The following ATP8A2 variants were observed in gnomAD, a reference collection of about 807,000 sequenced individuals.
ATP8A2 encodes ATPase phospholipid transporting 8A2, also known as phospholipid-transporting ATPase IB.
A neutral mutation model predicts 165.6 loss-of-function variants in ATP8A2; 100 were observed. The observed-to-expected ratio is 0.60, with a 90% CI of 0.51 to 0.71. The LOEUF is 0.71. Ranked by LOEUF, ATP8A2 falls within the 30% of genes least tolerant of loss-of-function variation. The pLI is 0.00. For missense variants in ATP8A2, 1,227 were observed against 1,479.5 expected (o/e 0.83, Z 2.80); for synonymous variants, 543 against 548.8 (o/e 0.99, Z 0.15).
chr13:25,897,993 G>A (rs1040906086), intron 33 of ATP8A2, among the ~76,000 whole-genome samples: 1 of 151,982 alleles, frequency 6.6e-6, no homozygotes, highest in African/African-American at 2.4e-5. Flanking sequence ...TCCTCCTTTA[G>A]CTCGGAGAAG....
intron 1 of ATP8A2, among the ~76,000 whole-genome samples, chr13:25,433,112 G>C (rs1264932610): frequency 3.9e-5 from 6 of 152,120 alleles, no homozygotes; most frequent in Admixed American, 3.9e-4. Context: ...CCTAAGCCTT[G>C]GCACTCTGTC....
intron 33 of ATP8A2, among the ~76,000 whole-genome samples, chr13:25,924,046 T>C: frequency 6.6e-6 from 1 of 152,216 alleles, no homozygotes. Context: ...AAGCTACCCT[T>C]CAGCCTGCTT....
intron 25 of ATP8A2, among the ~76,000 whole-genome samples, chr13:25,763,441 A>T (rs1046779159): frequency 1.3e-5 from 2 of 152,136 alleles, no homozygotes; most frequent in African/African-American, 4.8e-5. Context: ...GGGAGCTTTT[A>T]TAGTGAGGGA....
At chr13:25,597,430 A>T (rs948918128) in intron 24 of ATP8A2, among the ~76,000 whole-genome samples, 1 of 152,342 alleles carries the variant, frequency 6.6e-6, no homozygotes, top group South Asian at 2.1e-4. Flanking sequence ...GGAGTGAGAG[A>T]CTTTTCTCCA....
intron 25 of ATP8A2, among the ~76,000 whole-genome samples, chr13:25,738,159 G>T (rs2043820514): frequency 6.6e-6 from 1 of 152,204 alleles, no homozygotes; most frequent in Admixed American, 6.5e-5. Flanking sequence ...CTTTTAGAGT[G>T]CAAGATGCTG....
intron 24 of ATP8A2, among the ~76,000 whole-genome samples, chr13:25,690,752 T>C (rs1244150469): frequency 6.6e-6 from 1 of 152,162 alleles, no homozygotes; most frequent in Non-Finnish European, 1.5e-5. Context: ...TCAGGCACTT[T>C]GGAAAACAGT....
At chr13:25,828,658 G>A (rs992235401) in intron 28 of ATP8A2, among the ~76,000 whole-genome samples, 4 of 152,204 alleles carry the variant, frequency 2.6e-5, no homozygotes, top group African/African-American at 9.7e-5. Flanking sequence ...TTCTTCTGCA[G>A]TTAGAGCTAA....
intron 24 of ATP8A2, among the ~76,000 whole-genome samples, chr13:25,639,170 G>A (rs888996519): frequency 4.6e-5 from 7 of 152,152 alleles, no homozygotes; most frequent in Non-Finnish European, 8.8e-5. Context: ...AAAGACCATC[G>A]ATGCTAGGAA....
Position 25,581,802 on chromosome 13 carries a change from A to G in ATP8A2, c.2008-17A>G. 6.2e-7 allele frequency: 1 copy of G among 1,612,138 alleles called. No homozygotes were observed. Among genetic ancestry groups the G allele is most frequent in the Admixed American group, 1.7e-5 (1 of 59,914 alleles). On this transcript the variant is annotated splice_polypyrimidine_tract_variant and intron_variant, in intron 22 of 36. Coordinates refer to ENST00000381655, the MANE Select transcript of ATP8A2 (RefSeq NM_016529.6). ...AGTATGTGCCAATCTTTAACTGAGG[A>G]TATTTTTTCAATGTAGAATTTGCTG...
intron 2 of ATP8A2, among the ~76,000 whole-genome samples, chr13:25,497,187 TTAG>T (rs1403029857): frequency 2.6e-5 from 4 of 152,150 alleles, no homozygotes; most frequent in African/African-American, 9.7e-5. Flanking sequence ...AGGTGGGCCA[TTAG>T]TAGTATCAAA....
In ATP8A2 at chr13:25,839,556, G is replaced by T. The variant is rs1951706888; in HGVS notation, c.2888G>T (p.Gly963Val). The T allele has an allele frequency of 1.2e-6, 2 of 1,614,000 alleles. No homozygotes were observed. Among genetic ancestry groups the T allele is most frequent in the Non-Finnish European group, 1.7e-6 (2 of 1,179,902 alleles). ...TTTGTTTTTCCTTAGGTTTTCTGGGGTCACTGCATCAACGCCTTGGTCCAC... is the reference window on the plus strand; with the variant it reads ...TTTGTTTTTCCTTAGGTTTTCTGGGTTCACTGCATCAACGCCTTGGTCCAC... ...GEGFNTKVFW[G>V]HCINALVHSL... The change falls in exon 30 of 37, where the codon GGT becomes GTT. Residue 963 changes from glycine to valine, a missense_variant. Transcript: ENST00000381655.
chr13:25,922,476 C>T (rs1954487254), intron 33 of ATP8A2, among the ~76,000 whole-genome samples: 1 of 152,184 alleles, frequency 6.6e-6, no homozygotes, highest in African/African-American at 2.4e-5. Context: ...AACTATCACA[C>T]TATGGAATTG....
intron 25 of ATP8A2, 119 bp downstream of exon 25, chr13:25,699,464 A>G: frequency 3.9e-6 from 3 of 769,380 alleles, no homozygotes; most frequent in Non-Finnish European, 5.7e-6. Context: ...AAAAAGGCAA[A>G]ACAAAAATAC....
chr13:25,482,544 G>C (rs2036235673), intron 2 of ATP8A2, among the ~76,000 whole-genome samples: 2 of 152,148 alleles, frequency 1.3e-5, no homozygotes, highest in Non-Finnish European at 2.9e-5. Flanking sequence ...GCAGAAGAGT[G>C]TAACGGCCAG....
intron 33 of ATP8A2, among the ~76,000 whole-genome samples, chr13:25,913,841 C>T (rs1022440462): frequency 4.6e-5 from 7 of 152,124 alleles, no homozygotes; most frequent in Admixed American, 2.6e-4. Context: ...AAAGTGTATC[C>T]TTTAGCAGGA....
intron 36 of ATP8A2, among the ~76,000 whole-genome samples, chr13:26,019,387 A>C (rs1363957697): frequency 2.6e-5 from 4 of 152,160 alleles, no homozygotes; most frequent in Non-Finnish European, 5.9e-5. Flanking sequence ...GCAGAGCAAG[A>C]CTCTGTCTCA....
chr13:25,882,440 A>G (rs1359158456), intron 33 of ATP8A2, among the ~76,000 whole-genome samples: 2 of 152,182 alleles, frequency 1.3e-5, no homozygotes, highest in Non-Finnish European at 2.9e-5. Flanking sequence ...GTTTCCAAGT[A>G]AATAACCTGT....
chr13:25,772,724 T>TTTAATTAA (rs527292899), intron 26 of ATP8A2, among the ~76,000 whole-genome samples: 2 of 148,990 alleles, frequency 1.3e-5, no homozygotes, highest in Non-Finnish European at 1.5e-5. Flanking sequence ...GAGAGTTACA[T>TTTAATTAA]TTAATTAATT....
chr13:25,473,635 C>A (rs2035909748), intron 2 of ATP8A2, among the ~76,000 whole-genome samples: 1 of 152,114 alleles, frequency 6.6e-6, no homozygotes. Context: ...ATTTTCATCA[C>A]CTCCAAAAGA....
Sources: gnomAD v4.1 joint callset for allele counts (sites outside exome capture counted in the v4.1 genomes callset) on GRCh38, gnomAD v4.1.1 for gene constraint, MANE v1.5 for transcripts, NCBI Gene and HGNC (gene_info 2026-07-23, HGNC 2026-07-21) for gene names.